The following SGMS1 variants were observed in gnomAD, a reference collection of about 807,000 sequenced individuals.
The protein encoded by SGMS1 is sphingomyelin synthase 1, also known as phosphatidylcholine:ceramide cholinephosphotransferase 1.
SGMS1 carries 13 observed loss-of-function variants against 46.2 expected under a neutral mutation model. That is an observed-to-expected ratio of 0.28 (90% confidence interval 0.18 to 0.45). The LOEUF is 0.45. Among genes scored for constraint, SGMS1 ranks in the 20% least tolerant of loss-of-function variants. The probability of loss-of-function intolerance (pLI) is 1.00; values close to 1 mark genes in which losing one functional copy is unlikely to be tolerated. For synonymous variants in SGMS1, 203 were observed against 187.8 expected (o/e 1.08, Z -0.66); for missense variants, 324 against 519.9 (o/e 0.62, Z 3.66).
chr10:50,540,707 G>A (rs577876219), intron 2 of SGMS1, among the ~76,000 whole-genome samples: 3 of 152,330 alleles, frequency 2.0e-5, no homozygotes, highest in East Asian at 1.9e-4. Flanking sequence ...ACGGAGGGCT[G>A]GGGATTAGTG....
chr10:50,546,749 C>T (rs556270082), intron 2 of SGMS1, among the ~76,000 whole-genome samples: 4 of 152,156 alleles, frequency 2.6e-5, no homozygotes, highest in African/African-American at 9.6e-5. Flanking sequence ...GGAGGGATAG[C>T]ATTAGGAGAT....
chr10:50,480,441 C>T (rs1380915795), intron 3 of SGMS1, among the ~76,000 whole-genome samples: 1 of 151,910 alleles, frequency 6.6e-6, no homozygotes, highest in Non-Finnish European at 1.5e-5. Flanking sequence ...CTGAGGTATC[C>T]AGATTCTCTC....
chr10:50,432,258 A>G (rs1588819846), intron 6 of SGMS1, among the ~76,000 whole-genome samples: 2 of 151,714 alleles, frequency 1.3e-5, no homozygotes, highest in South Asian at 2.1e-4. Context: ...GTTAAATTAT[A>G]TAAACAAAAT....
chr10:50,437,185 C>A (rs1203410), intron 5 of SGMS1, among the ~76,000 whole-genome samples: 31,320 of 152,026 alleles, frequency 0.21, 3,473 homozygotes, highest in Non-Finnish European at 0.25. Flanking sequence ...TAGGGTGAAG[C>A]CACAAAAAAA....
intron 1 of SGMS1, among the ~76,000 whole-genome samples, chr10:50,613,365 C>T (rs1481636251): frequency 6.6e-6 from 1 of 152,214 alleles, no homozygotes; most frequent in African/African-American, 2.4e-5. Context: ...CCCCACTAAT[C>T]CCTCAAAGAC....
chr10:50,499,547 A>G (rs529881745), intron 3 of SGMS1, among the ~76,000 whole-genome samples: 2 of 152,214 alleles, frequency 1.3e-5, no homozygotes, highest in East Asian at 3.8e-4. Context: ...AAACCTCAAG[A>G]TTGTCACTGT....
intron 4 of SGMS1, 118 bp from the exon 5 acceptor site, chr10:50,460,932 T>G (rs976194640): frequency 7.2e-5 from 11 of 152,182 alleles, no homozygotes; most frequent in Non-Finnish European, 1.5e-4. Flanking sequence ...ATTAAAGTAC[T>G]TATAAACTTG....
chr10:50,334,686 A>C (rs1430965721), intron 7 of SGMS1: 1 of 152,246 alleles, frequency 6.6e-6, no homozygotes, highest in Non-Finnish European at 1.5e-5. Context: ...AATTCACACA[A>C]TGAATATACA....
chr10:50,621,379 A>AGCAATCAT (rs1298226880), intron 1 of SGMS1, among the ~76,000 whole-genome samples: 1 of 152,252 alleles, frequency 6.6e-6, no homozygotes, highest in Non-Finnish European at 1.5e-5. Context: ...TGGTCAACCC[A>AGCAATCAT]GCAATCATGT....
At chr10:50,592,251 G>A (rs2131894471) in intron 1 of SGMS1, among the ~76,000 whole-genome samples, 1 of 152,342 alleles carries the variant, frequency 6.6e-6, no homozygotes. Context: ...AGATTTTGGT[G>A]AGGGAAGGTT....
intron 3 of SGMS1, among the ~76,000 whole-genome samples, chr10:50,470,604 A>G (rs975632814): frequency 5.9e-5 from 9 of 151,906 alleles, no homozygotes; most frequent in African/African-American, 1.9e-4. Flanking sequence ...AGCTCTCTTC[A>G]CAAGGGAGGA....
rs182534677 is a variant in SGMS1, at chr10:50,620,519, T to C, written c.-684+3188A>G. On this transcript the variant is annotated intron_variant, in intron 1 of 10. Coordinates refer to ENST00000361781, the MANE Select transcript of SGMS1 (RefSeq NM_147156.4). ...GAAAGTGTATATGGCAATCAAAAAATAAAAATCACCATTGATCAAATTTGT... is the reference window on the plus strand; with the variant it reads ...GAAAGTGTATATGGCAATCAAAAAACAAAAATCACCATTGATCAAATTTGT... Among the ~76,000 whole-genome samples, 1,174 of 152,276 alleles carry C rather than the reference T, an allele frequency of 7.7e-3. 14 individuals are homozygous for C. Among genetic ancestry groups the C allele is most frequent in the Admixed American group, 0.028 (435 of 15,290 alleles).
intron 3 of SGMS1, among the ~76,000 whole-genome samples, chr10:50,470,902 C>T (rs913204656): frequency 3.9e-5 from 6 of 152,122 alleles, no homozygotes; most frequent in African/African-American, 1.2e-4. Context: ...CTGTAAAACG[C>T]ATTTGCATAG....
chr10:50,373,285 G>A (rs1007257273), intron 6 of SGMS1, among the ~76,000 whole-genome samples: 44 of 152,210 alleles, frequency 2.9e-4, no homozygotes, highest in African/African-American at 1.0e-3. Flanking sequence ...GAGCAACACA[G>A]TATCAGGATG....
At chr10:50,487,571 T>G (rs1022673593) in intron 3 of SGMS1, among the ~76,000 whole-genome samples, 2 of 152,222 alleles carry the variant, frequency 1.3e-5, no homozygotes, top group Non-Finnish European at 2.9e-5. Context: ...TTTGTACACG[T>G]TTTTTATGCC....
At position 50,305,823 on chromosome 10, in the gene SGMS1, C is replaced by T. The variant is rs936565948; in HGVS notation, c.*1319G>A. ...TCCTACGGAAGATAATTCTGCTGCA[C>T]GTAAAATACAGAATGGATATATATA... is the stretch of plus-strand genomic sequence containing the variant. On this transcript the variant is annotated 3_prime_UTR_variant, in exon 11 of 11. Transcript: ENST00000361781. 2 of 152,624 alleles carry T rather than the reference C, an allele frequency of 1.3e-5. No homozygotes were observed. Among genetic ancestry groups the T allele is most frequent in the African/African-American group, 2.4e-5 (1 of 41,428 alleles). The allele number at this position is 152,624 out of a possible 1,614,324, so 9.5% of individuals were successfully genotyped here.
intron 6 of SGMS1, among the ~76,000 whole-genome samples, chr10:50,362,605 T>G (rs995207184): frequency 1.3e-5 from 2 of 152,126 alleles, no homozygotes; most frequent in African/African-American, 4.8e-5. Flanking sequence ...AGGACTCCCA[T>G]GGAAAAAGTA....
At chr10:50,615,293 C>T (rs1282459438) in intron 1 of SGMS1, among the ~76,000 whole-genome samples, 1 of 152,210 alleles carries the variant, frequency 6.6e-6, no homozygotes, top group Non-Finnish European at 1.5e-5. Context: ...AAGCCTCACA[C>T]ACCTCAAGAG....
rs927324819 is a variant in SGMS1, at chr10:50,307,756, G to A, written c.1062+226C>T. 3.3e-5 allele frequency among the ~76,000 whole-genome samples: 5 copies of A among 152,144 alleles called. No individual in the cohort carries two copies. The highest frequency in any genetic ancestry group is 6.5e-5 in the Admixed American group (1 of 15,280). ...TTCATTTTTCAAGGACAATGAAAGT[G>A]CGTTCCTTATTCTAGAAGGAAGTAA... On this transcript the variant is annotated intron_variant, in intron 10 of 10. Transcript: ENST00000361781. This position sits in a 1 kb window ranked among gnomAD's most constrained non-coding sequence, Gnocchi z 4.2.
Sources: allele counts gnomAD v4.1 joint callset (sites outside exome capture counted in the v4.1 genomes callset), GRCh38; gene constraint gnomAD v4.1.1; non-coding constraint Gnocchi (gnomAD v3.1); transcripts MANE v1.5; gene names NCBI Gene and HGNC (gene_info 2026-07-23, HGNC 2026-07-21).